Variants in UBE2O observed in about 807,000 individuals in gnomAD.
UBE2O encodes ubiquitin conjugating enzyme E2 O, also known as (E3-independent) E2 ubiquitin-conjugating enzyme.
Under a neutral mutation model 125.8 loss-of-function variants are expected in UBE2O, and 15 were observed. The ratio of observed to expected loss-of-function variants is 0.12; its 90% CI spans 0.08 to 0.18. UBE2O has a LOEUF of 0.18. Among genes scored for constraint, UBE2O ranks in the 10% least tolerant of loss-of-function variants. UBE2O has a pLI of 1.00. For missense variants in UBE2O, 1,280 were observed against 1,723.6 expected (o/e 0.74, Z 4.56); for synonymous variants, 708 against 703.2 (o/e 1.01, Z -0.11).
intron 1 of UBE2O, among the ~76,000 whole-genome samples, chr17:76,424,225 T>TTTG (rs2072764078): frequency 1.4e-5 from 2 of 142,908 alleles, no homozygotes; most frequent in Non-Finnish European, 1.5e-5. Flanking sequence ...TTTTTTTTTT[T>TTTG]GAGACAGAAT....
intron 1 of UBE2O, among the ~76,000 whole-genome samples, chr17:76,419,485 G>A (rs868366984): frequency 4.1e-4 from 62 of 152,104 alleles, no homozygotes; most frequent in Non-Finnish European, 5.7e-4. Context: ...AAATAACTAA[G>A]AAAGCGAGAG....
intron 1 of UBE2O, among the ~76,000 whole-genome samples, chr17:76,446,454 AAAAC>A (rs1299447987): frequency 8.2e-6 from 1 of 121,596 alleles, no homozygotes; most frequent in African/African-American, 3.5e-5. Flanking sequence ...TGAAAAAACA[AAAAC>A]AAACAAAAAA....
At chr17:76,401,252 A>G (rs1344176825) in intron 5 of UBE2O, 98 bp from the exon 6 acceptor site, 3 of 1,436,344 alleles carry the variant, frequency 2.1e-6, no homozygotes, top group Non-Finnish European at 2.8e-6. Context: ...CACCTGCAGA[A>G]GCCCACTCAC....
intron 1 of UBE2O, among the ~76,000 whole-genome samples, chr17:76,419,226 G>A (rs1266175608): frequency 2.9e-5 from 4 of 138,496 alleles, no homozygotes; most frequent in African/African-American, 1.1e-4. Flanking sequence ...CAAGGCTGCA[G>A]TGAGCCACGA....
At chr17:76,447,260 G>T (rs544401176) in intron 1 of UBE2O, among the ~76,000 whole-genome samples, 1 of 152,324 alleles carries the variant, frequency 6.6e-6, no homozygotes, top group African/African-American at 2.4e-5. Flanking sequence ...AGTACATTTA[G>T]TTCAATTTGT....
chr17:76,427,883 AC>A (rs2143833129), intron 1 of UBE2O, among the ~76,000 whole-genome samples: 1 of 152,020 alleles, frequency 6.6e-6, no homozygotes, highest in South Asian at 2.1e-4. Context: ...TTCTGTTTCA[AC>A]TCCATGCTTC....
intron 1 of UBE2O, among the ~76,000 whole-genome samples, chr17:76,437,958 T>C (rs1311744848): frequency 1.3e-5 from 2 of 152,176 alleles, no homozygotes; most frequent in Admixed American, 6.5e-5. Flanking sequence ...GTGTCTCTCG[T>C]TGCCTGGATG....
At chr17:76,424,551 T>G in intron 1 of UBE2O, among the ~76,000 whole-genome samples, 1 of 152,102 alleles carries the variant, frequency 6.6e-6, no homozygotes, top group Non-Finnish European at 1.5e-5. Flanking sequence ...AATGGTATCT[T>G]GGATATATAC....
intron 15 of UBE2O, among the ~76,000 whole-genome samples, chr17:76,393,814 G>A (rs1341411169): frequency 1.3e-5 from 2 of 152,166 alleles, no homozygotes; most frequent in East Asian, 1.9e-4. Flanking sequence ...TCAACTGACA[G>A]GGCAATGGGC....
intron 1 of UBE2O, among the ~76,000 whole-genome samples, chr17:76,424,579 T>G (rs1218378918): frequency 6.6e-6 from 1 of 152,100 alleles, no homozygotes; most frequent in Non-Finnish European, 1.5e-5. Flanking sequence ...AATAAAACAT[T>G]AAAATTAATT....
At chr17:76,420,261 A>G (rs1205637125) in intron 1 of UBE2O, among the ~76,000 whole-genome samples, 1 of 152,228 alleles carries the variant, frequency 6.6e-6, no homozygotes, top group Admixed American at 6.5e-5. Flanking sequence ...CAGTAAAAAT[A>G]ACACACAAGA....
chr17:76,397,212 C>CAAG (rs2072226825), intron 13 of UBE2O, among the ~76,000 whole-genome samples: 1 of 152,208 alleles, frequency 6.6e-6, no homozygotes, highest in Non-Finnish European at 1.5e-5. Context: ...GAACATATGA[C>CAAG]AAGAGGGGAC....
At chr17:76,428,731 TTGAC>T (rs1182906866) in intron 1 of UBE2O, among the ~76,000 whole-genome samples, 1 of 152,204 alleles carries the variant, frequency 6.6e-6, no homozygotes, top group South Asian at 2.1e-4. Context: ...GTTGTGTATC[TTGAC>T]TGCTGTTACA....
chr17:76,422,530 C>G (rs971081640), intron 1 of UBE2O, among the ~76,000 whole-genome samples: 4 of 152,220 alleles, frequency 2.6e-5, no homozygotes, highest in African/African-American at 9.7e-5. Flanking sequence ...AATGAAACAT[C>G]TGGAACACGA....
intron 1 of UBE2O, among the ~76,000 whole-genome samples, chr17:76,447,860 C>G (rs754628003): frequency 2.0e-5 from 3 of 152,208 alleles, no homozygotes; most frequent in Non-Finnish European, 4.4e-5. Context: ...CTTCTGAAGG[C>G]ACAGGGCTGG....
At chr17:76,419,922 C>T (rs1483501396) in intron 1 of UBE2O, among the ~76,000 whole-genome samples, 3 of 152,228 alleles carry the variant, frequency 2.0e-5, no homozygotes, top group Non-Finnish European at 4.4e-5. Context: ...CTGCTTGGCC[C>T]CATTCCTCGG....
chr17:76,451,779 G>GTGTGT (rs1555611641), intron 1 of UBE2O, among the ~76,000 whole-genome samples: 35 of 137,422 alleles, frequency 2.5e-4, no homozygotes, highest in Middle Eastern at 3.8e-3. Flanking sequence ...GATACAGGGG[G>GTGTGT]GTGTGTGTGT....
At chr17:76,426,868 C>G (rs2072821723) in intron 1 of UBE2O, among the ~76,000 whole-genome samples, 1 of 151,940 alleles carries the variant, frequency 6.6e-6, no homozygotes, top group Non-Finnish European at 1.5e-5. Flanking sequence ...TTTCTCCTTA[C>G]TTCCTTCTTC....
Position 76,405,473 on chromosome 17 carries a change from GC to G in UBE2O, c.477+39del. 1.3e-6 allele frequency: 2 copies of G among 1,574,142 alleles called. No homozygotes were observed. ...GCAGGCTCAAGTCCCTAAGGTGGCT[GC>G]CCCCAGGCCCGGGGCTGGGGTGGGG... is the stretch of plus-strand genomic sequence containing the variant. On this transcript the variant is annotated intron_variant, in intron 2 of 17. Transcript: ENST00000319380. This position sits in a 1 kb window ranked among gnomAD's most constrained non-coding sequence, Gnocchi z 6.1.
Sources: gnomAD v4.1 joint callset for allele counts (sites outside exome capture counted in the v4.1 genomes callset) on GRCh38, gnomAD v4.1.1 for gene constraint, Gnocchi (gnomAD v3.1) non-coding constraint, MANE v1.5 for transcripts, NCBI Gene and HGNC (gene_info 2026-07-23, HGNC 2026-07-21) for gene names.